Variants in AGBL1 observed in about 807,000 individuals in gnomAD.
The protein encoded by AGBL1 is cytosolic carboxypeptidase 4.
Under a neutral mutation model 118.9 loss-of-function variants are expected in AGBL1, and 130 were observed. That is an observed-to-expected ratio of 1.09 (90% CI 0.95 to 1.26). The LOEUF is 1.26. AGBL1 is among the 50% of genes most tolerant of loss of function. The pLI, the probability that AGBL1 is intolerant of heterozygous loss-of-function variation, is 0.00. For missense variants in AGBL1, 1,584 were observed against 1,298.1 expected (o/e 1.22, Z -3.38); for synonymous variants, 555 against 478.9 (o/e 1.16, Z -2.08).
chr15:86,925,197 GAA>G (rs2080523618), intron 23 of AGBL1, among the ~76,000 whole-genome samples: 1 of 108,822 alleles, frequency 9.2e-6, no homozygotes, highest in East Asian at 2.4e-4. Flanking sequence ...AAGAAAAGAA[GAA>G]AAGAAGAAGA....
intron 21 of AGBL1, among the ~76,000 whole-genome samples, chr15:86,588,292 C>G (rs775090457): frequency 3.3e-5 from 5 of 152,146 alleles, no homozygotes; most frequent in Non-Finnish European, 7.3e-5. Flanking sequence ...CCTTGATCAC[C>G]TACAGGTCTT....
At chr15:86,968,962 C>G (rs947121359) in intron 23 of AGBL1, among the ~76,000 whole-genome samples, 3 of 151,816 alleles carry the variant, frequency 2.0e-5, no homozygotes, top group African/African-American at 7.3e-5. Flanking sequence ...AACCTTGTCG[C>G]CACACAAAGG....
chr15:86,820,948 A>G (rs2078934223), intron 22 of AGBL1, among the ~76,000 whole-genome samples: 1 of 152,214 alleles, frequency 6.6e-6, no homozygotes, highest in Admixed American at 6.5e-5. Flanking sequence ...CATTAATGAT[A>G]GACTGGATAA....
At chr15:86,082,461 G>A (rs1341285555) in intron 1 of AGBL1, among the ~76,000 whole-genome samples, 2 of 152,204 alleles carry the variant, frequency 1.3e-5, no homozygotes, top group East Asian at 3.8e-4. Context: ...CAGTTCCCAT[G>A]TCTTTTAGGA....
chr15:86,548,314 C>T (rs891084041), intron 20 of AGBL1, among the ~76,000 whole-genome samples: 2 of 151,952 alleles, frequency 1.3e-5, no homozygotes, highest in Admixed American at 1.3e-4. Flanking sequence ...GATTATACAC[C>T]CTGTTATATT....
In AGBL1 at chr15:86,870,204, T is replaced by G. The variant is rs566710539; in HGVS notation, c.3159-36883T>G. Among the ~76,000 whole-genome samples the G allele has an allele frequency of 2.7e-4, 41 of 152,104 alleles. 1 individual carries two copies. The highest frequency in any genetic ancestry group is 2.3e-3 in the Admixed American group (35 of 15,264). On this transcript the variant is annotated intron_variant, in intron 22 of 22. Coordinates refer to ENST00000614907, the MANE Select transcript of AGBL1 (RefSeq NM_001386094.1). The stretch of plus-strand genomic sequence containing the variant: ...AAAAGGAAAGAAAAGGGAACTAATT[T>G]ATAGCCACTAATACTTAATGCTTTA...
intron 23 of AGBL1, among the ~76,000 whole-genome samples, chr15:86,952,710 G>A (rs1164901956): frequency 2.0e-5 from 3 of 152,044 alleles, no homozygotes; most frequent in South Asian, 2.1e-4. Flanking sequence ...TCAATTTTTT[G>A]TATTGTTGCA....
chr15:86,272,775 G>A (rs934952218), intron 15 of AGBL1, among the ~76,000 whole-genome samples: 25 of 152,140 alleles, frequency 1.6e-4, no homozygotes, highest in African/African-American at 6.0e-4. Flanking sequence ...TTCAATCCCT[G>A]ATCTATTAGG....
intron 23 of AGBL1, among the ~76,000 whole-genome samples, chr15:86,944,525 A>T (rs1313249681): frequency 1.3e-5 from 2 of 152,188 alleles, no homozygotes; most frequent in Non-Finnish European, 2.9e-5. Flanking sequence ...GAGACAGAAC[A>T]TTCGACTGGA....
intron 5 of AGBL1, among the ~76,000 whole-genome samples, chr15:86,177,873 A>C (rs1321818499): frequency 2.6e-5 from 4 of 152,198 alleles, no homozygotes; most frequent in Admixed American, 2.0e-4. Context: ...TTCCACCATA[A>C]GAAAGGATAA....
intron 10 of AGBL1, among the ~76,000 whole-genome samples, chr15:86,263,511 G>C (rs1195372429): frequency 6.6e-6 from 1 of 152,232 alleles, no homozygotes; most frequent in African/African-American, 2.4e-5. Flanking sequence ...CTGGTGGGCA[G>C]GGTGCCCTGC....
intron 21 of AGBL1, among the ~76,000 whole-genome samples, chr15:86,591,156 T>C (rs1848196725): frequency 6.6e-6 from 1 of 152,260 alleles, no homozygotes; most frequent in African/African-American, 2.4e-5. Context: ...TTTCTCATTG[T>C]TAGATTCATT....
intron 22 of AGBL1, among the ~76,000 whole-genome samples, chr15:86,680,630 A>G (rs1307888600): frequency 7.7e-6 from 1 of 130,300 alleles, no homozygotes; most frequent in Admixed American, 9.1e-5. Flanking sequence ...GCAGTGGGGC[A>G]ATCTTGGCTC....
chr15:86,140,984 A>T (rs1412776893), intron 1 of AGBL1, among the ~76,000 whole-genome samples: 1 of 152,214 alleles, frequency 6.6e-6, no homozygotes, highest in Non-Finnish European at 1.5e-5. Flanking sequence ...AGGCCTTTGA[A>T]GTGGATGAGG....
At chr15:86,566,746 C>T (rs2083922398) in intron 21 of AGBL1, among the ~76,000 whole-genome samples, 1 of 152,174 alleles carries the variant, frequency 6.6e-6, no homozygotes, top group South Asian at 2.1e-4. Flanking sequence ...TTCTCTCCAA[C>T]ACACAAGTAT....
chr15:86,411,253 T>G (rs1201321783), intron 18 of AGBL1, among the ~76,000 whole-genome samples: 2 of 151,852 alleles, frequency 1.3e-5, no homozygotes, highest in Non-Finnish European at 2.9e-5. Flanking sequence ...GGAGTCTGTC[T>G]TCCCCAGCCG....
At chr15:86,436,857 A>C (rs535055568) in intron 18 of AGBL1, among the ~76,000 whole-genome samples, 1 of 152,338 alleles carries the variant, frequency 6.6e-6, no homozygotes, top group African/African-American at 2.4e-5. Context: ...CTGGAAAATA[A>C]CTACAGGGCA....
chr15:86,538,971 G>A (rs1409457297), intron 19 of AGBL1, among the ~76,000 whole-genome samples: 2 of 152,258 alleles, frequency 1.3e-5, no homozygotes, highest in African/African-American at 2.4e-5. Context: ...GTCCTCATCA[G>A]CTTCTTTGCG....
intron 23 of AGBL1, among the ~76,000 whole-genome samples, chr15:86,942,082 G>A (rs1449168788): frequency 5.9e-5 from 9 of 152,216 alleles, no homozygotes; most frequent in Non-Finnish European, 1.3e-4. Flanking sequence ...GATCCAGAGA[G>A]TTGAGAACTA....
Sources: allele counts gnomAD v4.1 joint callset (sites outside exome capture counted in the v4.1 genomes callset), GRCh38; gene constraint gnomAD v4.1.1; transcripts MANE v1.5; gene names NCBI Gene and HGNC (gene_info 2026-07-23, HGNC 2026-07-21).